PRKCA: variants seen among roughly 807,000 people sequenced by gnomAD.
PRKCA encodes protein kinase C alpha.
PRKCA carries 27 observed loss-of-function variants against 87.0 expected under a neutral mutation model. The observed-to-expected ratio is 0.31, with a 90% confidence interval of 0.23 to 0.43. The LOEUF (loss-of-function observed/expected upper bound fraction) is 0.43, where lower values mean the gene tolerates loss of function less well. PRKCA is among the 20% of genes least tolerant of loss of function. PRKCA has a pLI of 1.00. For missense variants in PRKCA, 518 were observed against 852.3 expected (o/e 0.61, Z 4.88); for synonymous variants, 329 against 311.1 (o/e 1.06, Z -0.61).
chr17:66,453,420 C>T (rs1297768764), intron 2 of PRKCA, among the ~76,000 whole-genome samples: 2 of 151,810 alleles, frequency 1.3e-5, no homozygotes, highest in African/African-American at 2.4e-5. Context: ...TGGGTTCAAG[C>T]GATTCTCCTG....
chr17:66,462,787 T>C (rs1044136872), intron 2 of PRKCA, among the ~76,000 whole-genome samples: 1 of 152,148 alleles, frequency 6.6e-6, no homozygotes, highest in African/African-American at 2.4e-5. Context: ...CTAAGAGGAA[T>C]GAAATGTCCT....
chr17:66,311,250 C>A (rs1905073370), intron 2 of PRKCA, among the ~76,000 whole-genome samples: 1 of 152,132 alleles, frequency 6.6e-6, no homozygotes, highest in African/African-American at 2.4e-5. Context: ...AAAGCATTAT[C>A]TCAGTCTCAA....
intron 3 of PRKCA, among the ~76,000 whole-genome samples, chr17:66,540,612 G>C (rs1967954719): frequency 6.6e-6 from 1 of 152,224 alleles, no homozygotes; most frequent in South Asian, 2.1e-4. Flanking sequence ...GTGCTCTGTG[G>C]TCGAAGGCCA....
chr17:66,762,178 A>C (rs575393911), intron 13 of PRKCA, among the ~76,000 whole-genome samples: 28 of 152,316 alleles, frequency 1.8e-4, no homozygotes, highest in African/African-American at 6.0e-4. Flanking sequence ...CAATCATTTG[A>C]GTGTTTAACA....
chr17:66,421,829 C>T (rs1912515109), intron 2 of PRKCA, among the ~76,000 whole-genome samples: 1 of 152,048 alleles, frequency 6.6e-6, no homozygotes, highest in Admixed American at 6.6e-5. Flanking sequence ...AGGTGTGAAC[C>T]ACCATGCCTG....
chr17:66,414,257 G>T (rs1166550604), intron 2 of PRKCA, among the ~76,000 whole-genome samples: 1 of 152,084 alleles, frequency 6.6e-6, no homozygotes, highest in Non-Finnish European at 1.5e-5. Flanking sequence ...GAATGGTTTA[G>T]CCCCATCACC....
chr17:66,615,528 A>G (rs1970491302), intron 3 of PRKCA, among the ~76,000 whole-genome samples: 1 of 152,130 alleles, frequency 6.6e-6, no homozygotes, highest in Admixed American at 6.5e-5. Context: ...ACTCATTCAT[A>G]GGCAGAGAAC....
In PRKCA at chr17:66,489,480, T is replaced by G. The variant is rs967379412; in HGVS notation, c.206-6721T>G. On this transcript the variant is annotated intron_variant, in intron 2 of 16. Coordinates refer to ENST00000413366, the MANE Select transcript of PRKCA (RefSeq NM_002737.3). The stretch of plus-strand genomic sequence containing the variant: ...TGCATATAGATTAAGTGACCAAATA[T>G]CTCAGTAGTTTGGCAGGAAAGCCAA... Among the ~76,000 whole-genome samples the G allele has an allele frequency of 4.0e-5, 6 of 150,544 alleles. No homozygotes were observed. In the East Asian group the frequency reaches 1.2e-3, roughly 30 times the overall value.
chr17:66,650,393 G>A (rs1971562454), intron 5 of PRKCA, among the ~76,000 whole-genome samples: 1 of 151,782 alleles, frequency 6.6e-6, no homozygotes, highest in South Asian at 2.1e-4. Flanking sequence ...ATTGTAATAG[G>A]TTTTCTACAC....
At chr17:66,775,153 T>C (rs1399883479) in intron 14 of PRKCA, 19 of 868,686 alleles carry the variant, frequency 2.2e-5, no homozygotes, top group Admixed American at 2.8e-4. Flanking sequence ...GCCTGAGTCT[T>C]TGAATGACCC....
intron 2 of PRKCA, among the ~76,000 whole-genome samples, chr17:66,492,330 A>G (rs1356743572): frequency 1.3e-5 from 2 of 152,210 alleles, no homozygotes; most frequent in Admixed American, 6.5e-5. Context: ...TTAGGATAAC[A>G]TTCGGCATGA....
chr17:66,574,017 A>G (rs1480520770), intron 3 of PRKCA, among the ~76,000 whole-genome samples: 4 of 152,186 alleles, frequency 2.6e-5, no homozygotes, highest in East Asian at 1.9e-4. Flanking sequence ...AAAGACAACA[A>G]TGTAAAACAA....
intron 2 of PRKCA, among the ~76,000 whole-genome samples, chr17:66,449,777 T>C (rs1419191991): frequency 2.6e-5 from 4 of 152,010 alleles, no homozygotes; most frequent in African/African-American, 9.7e-5. Context: ...TGTGTAAAGG[T>C]GGAGACAGTG....
chr17:66,392,087 G>A (rs758567098), intron 2 of PRKCA, among the ~76,000 whole-genome samples: 15 of 152,186 alleles, frequency 9.9e-5, no homozygotes, highest in Non-Finnish European at 1.5e-4. Context: ...AAAATTAGCC[G>A]GGTGTGATGG....
intron 13 of PRKCA, among the ~76,000 whole-genome samples, chr17:66,766,900 A>C (rs1974824227): frequency 6.6e-6 from 1 of 152,208 alleles, no homozygotes; most frequent in Non-Finnish European, 1.5e-5. Flanking sequence ...AACATAGTTT[A>C]ACATAGTTAC....
chr17:66,741,625 A>G (rs1436696799), intron 11 of PRKCA, 34 bp from the exon 12 acceptor site: 2 of 1,610,310 alleles, frequency 1.2e-6, no homozygotes, highest in East Asian at 4.5e-5. Flanking sequence ...CTAAGGAAGC[A>G]AGTGAGAAAC....
At chr17:66,701,262 G>A (rs1973054938) in intron 8 of PRKCA, among the ~76,000 whole-genome samples, 1 of 152,088 alleles carries the variant, frequency 6.6e-6, no homozygotes, top group Non-Finnish European at 1.5e-5. Context: ...AATGAAATTG[G>A]ATAGATGCAT....
intron 3 of PRKCA, among the ~76,000 whole-genome samples, chr17:66,526,728 A>G (rs1032573224): frequency 2.6e-5 from 4 of 152,128 alleles, no homozygotes; most frequent in Non-Finnish European, 4.4e-5. Context: ...TCAAAGTCAT[A>G]TGAAAAAAAA....
chr17:66,640,678 T>G (rs1280331652), intron 3 of PRKCA, among the ~76,000 whole-genome samples: 1 of 152,144 alleles, frequency 6.6e-6, no homozygotes, highest in African/African-American at 2.4e-5. Context: ...ACACACCGAT[T>G]TTGTGTCTAC....
Sources: allele counts gnomAD v4.1 joint callset (sites outside exome capture counted in the v4.1 genomes callset), GRCh38; gene constraint gnomAD v4.1.1; transcripts MANE v1.5; gene names NCBI Gene and HGNC (gene_info 2026-07-23, HGNC 2026-07-21).